TRPM6: variants seen among roughly 807,000 people sequenced by gnomAD.
TRPM6 encodes the protein transient receptor potential cation channel subfamily M member 6, also known as channel kinase 2.
Under a neutral mutation model 247.6 loss-of-function variants are expected in TRPM6, and 111 were observed. The ratio of observed to expected loss-of-function variants is 0.45; its 90% CI spans 0.38 to 0.52. The LOEUF (loss-of-function observed/expected upper bound fraction) is 0.52. Among genes scored for constraint, TRPM6 ranks in the 20% least tolerant of loss-of-function variants. The probability of loss-of-function intolerance (pLI) is 0.00; values close to 1 mark genes in which losing one functional copy is unlikely to be tolerated. For synonymous variants in TRPM6, 892 were observed against 853.8 expected (o/e 1.04, Z -0.78); for missense variants, 2,126 against 2,421.5 (o/e 0.88, Z 2.56).
chr9:74,752,778 T>A (rs1416863522), intron 28 of TRPM6, among the ~76,000 whole-genome samples: 1 of 152,130 alleles, frequency 6.6e-6, no homozygotes, highest in Non-Finnish European at 1.5e-5. Flanking sequence ...CCTTAGCAAC[T>A]GCATCAAACA....
chr9:74,795,730 A>G (rs965131441), intron 18 of TRPM6, among the ~76,000 whole-genome samples: 1 of 152,210 alleles, frequency 6.6e-6, no homozygotes. Context: ...AGAAAACTCA[A>G]GTCATCACAG....
intron 23 of TRPM6, among the ~76,000 whole-genome samples, chr9:74,781,551 A>AAAAAAAAAG (rs1554698840): frequency 6.7e-6 from 1 of 148,426 alleles, no homozygotes; most frequent in Non-Finnish European, 1.5e-5. Context: ...AAAAAAAAAA[A>AAAAAAAAAG]AAGAAGAAAA....
At chr9:74,792,049 G>T (rs1285395391) in intron 19 of TRPM6, among the ~76,000 whole-genome samples, 1 of 152,102 alleles carries the variant, frequency 6.6e-6, no homozygotes, top group Non-Finnish European at 1.5e-5. Flanking sequence ...GAGCCACCAC[G>T]CCTGGCCTCA....
intron 23 of TRPM6, among the ~76,000 whole-genome samples, chr9:74,779,114 CA>C (rs763676090): frequency 1.4e-4 from 22 of 151,990 alleles, no homozygotes; most frequent in Non-Finnish European, 3.1e-4. Flanking sequence ...CTGTCTCTAC[CA>C]AAAATACAAA....
chr9:74,810,746 CA>C (rs1828700803), intron 13 of TRPM6, 68 bp downstream of exon 13: 1 of 1,417,102 alleles, frequency 7.1e-7, no homozygotes, highest in Non-Finnish European at 1.0e-6. Context: ...AAGCAAAATT[CA>C]GTGACTCCTC....
rs1182142800 is a variant in TRPM6, at chr9:74,820,289, A to G, written c.1134+15T>C. 2 of 1,613,412 alleles carry G rather than the reference A, an allele frequency of 1.2e-6. No homozygotes were observed. Among genetic ancestry groups the G allele is most frequent in the East Asian group, 2.2e-5 (1 of 44,854 alleles). ...AGTTCTTAAGTCAGTTGAATCATCA[A>G]CTCGTCATACTCACACAATCCCTGT... On this transcript the variant is annotated intron_variant, in intron 9 of 38. Coordinates refer to ENST00000360774, the MANE Select transcript of TRPM6 (RefSeq NM_017662.5).
chr9:74,868,829 C>T (rs1023299568), intron 1 of TRPM6, among the ~76,000 whole-genome samples: 2 of 152,086 alleles, frequency 1.3e-5, no homozygotes, highest in Admixed American at 1.3e-4. Context: ...GCCATGAGGT[C>T]ACTGAAGGAC....
intron 1 of TRPM6, among the ~76,000 whole-genome samples, chr9:74,865,019 G>A (rs900987492): frequency 6.6e-6 from 1 of 151,706 alleles, no homozygotes; most frequent in Non-Finnish European, 1.5e-5. Context: ...GTTGCAGTGG[G>A]CTGAGATCGT....
At chr9:74,761,093 T>C (rs1229314298) in intron 27 of TRPM6, among the ~76,000 whole-genome samples, 1 of 152,176 alleles carries the variant, frequency 6.6e-6, no homozygotes, top group East Asian at 1.9e-4. Flanking sequence ...AGATTTCTAT[T>C]ATAGCAACAC....
chr9:74,871,075 A>G (rs1831013184), intron 1 of TRPM6, among the ~76,000 whole-genome samples: 1 of 152,238 alleles, frequency 6.6e-6, no homozygotes, highest in African/African-American at 2.4e-5. Flanking sequence ...AAAAACAACC[A>G]AAACAGATAG....
At chr9:74,868,096 G>A (rs1830909936) in intron 1 of TRPM6, among the ~76,000 whole-genome samples, 1 of 150,744 alleles carries the variant, frequency 6.6e-6, no homozygotes, top group Admixed American at 6.6e-5. Context: ...AGAGGTTGCA[G>A]TAGGCTGAGA....
chr9:74,822,950 T>C (rs1829182923), intron 7 of TRPM6, among the ~76,000 whole-genome samples: 1 of 152,126 alleles, frequency 6.6e-6, no homozygotes, highest in Non-Finnish European at 1.5e-5. Flanking sequence ...CATCACACTA[T>C]GAACAGTGGA....
At chr9:74,831,287 C>G (rs1345924089) in intron 6 of TRPM6, among the ~76,000 whole-genome samples, 1 of 151,934 alleles carries the variant, frequency 6.6e-6, no homozygotes, top group African/African-American at 2.4e-5. Context: ...GTCATGAATT[C>G]GAGACCAGCC....
chr9:74,859,832 A>G (rs1397353215), intron 1 of TRPM6, among the ~76,000 whole-genome samples: 2 of 152,134 alleles, frequency 1.3e-5, no homozygotes, highest in Non-Finnish European at 2.9e-5. Context: ...AGATATTAGA[A>G]CAGAGATGAA....
chr9:74,862,600 A>C (rs1177051905), intron 1 of TRPM6, among the ~76,000 whole-genome samples: 1 of 152,238 alleles, frequency 6.6e-6, no homozygotes, highest in East Asian at 1.9e-4. Context: ...GGAGGGATCC[A>C]AGTCTGAATG....
intron 1 of TRPM6, among the ~76,000 whole-genome samples, chr9:74,883,546 T>C (rs1302959285): frequency 6.6e-6 from 1 of 152,176 alleles, no homozygotes; most frequent in Non-Finnish European, 1.5e-5. Context: ...TTGTGACTGA[T>C]TGTGAAGAGA....
intron 25 of TRPM6, among the ~76,000 whole-genome samples, chr9:74,768,610 C>T (rs939410519): frequency 6.6e-6 from 1 of 152,232 alleles, no homozygotes; most frequent in Admixed American, 6.5e-5. Context: ...GTGCTGGACT[C>T]TATGCTCTCC....
At chr9:74,868,803 TA>T (rs1830933097) in intron 1 of TRPM6, among the ~76,000 whole-genome samples, 1 of 152,134 alleles carries the variant, frequency 6.6e-6, no homozygotes, top group Non-Finnish European at 1.5e-5. Flanking sequence ...AGGTTCACTT[TA>T]AGGTGATGAC....
Position 74,724,555 on chromosome 9 carries a change from T to A in TRPM6, c.*58A>T. On this transcript the variant is annotated 3_prime_UTR_variant, in exon 39 of 39. Coordinates refer to ENST00000360774, the MANE Select transcript of TRPM6 (RefSeq NM_017662.5). Reference sequence around the variant, plus strand: ...TCAACATCACGTTGATCAATCTATGTTATCACAGAGTTCCTGGCAGGCAGG... The same window carrying A: ...TCAACATCACGTTGATCAATCTATGATATCACAGAGTTCCTGGCAGGCAGG... 6.2e-7 allele frequency: 1 copy of A among 1,612,644 alleles called. No individual in the cohort carries two copies. Among genetic ancestry groups the A allele is most frequent in the Non-Finnish European group, 8.5e-7 (1 of 1,179,196 alleles).
Sources: gnomAD v4.1 joint callset for allele counts (sites outside exome capture counted in the v4.1 genomes callset) on GRCh38, gnomAD v4.1.1 for gene constraint, MANE v1.5 for transcripts, NCBI Gene and HGNC (gene_info 2026-07-23, HGNC 2026-07-21) for gene names.